Variants in TIAM1 observed in about 807,000 individuals in gnomAD.
TIAM1 encodes TIAM Rac1 associated GEF 1.
A neutral mutation model predicts 163.5 loss-of-function variants in TIAM1; 65 were observed. That is an observed-to-expected ratio of 0.40 (90% CI 0.33 to 0.49). TIAM1 has a LOEUF of 0.49. Ranked by LOEUF, TIAM1 falls within the 20% of genes least tolerant of loss-of-function variation. TIAM1 has a pLI of 0.77. For missense variants in TIAM1, 1,789 were observed against 2,044.7 expected (o/e 0.87, Z 2.41); for synonymous variants, 833 against 810.1 (o/e 1.03, Z -0.48).
intron 1 of TIAM1, among the ~76,000 whole-genome samples, chr21:31,516,777 T>C (rs8129008): frequency 0.062 from 9,337 of 151,684 alleles, 745 homozygotes; most frequent in African/African-American, 0.18. Context: ...GAATTCAGGC[T>C]GGGCTCGGTG....
chr21:31,213,381 C>A lies in TIAM1; in HGVS notation c.2217+17G>T. On this transcript the variant is annotated intron_variant, in intron 10 of 27. Coordinates refer to ENST00000541036, the MANE Select transcript of TIAM1 (RefSeq NM_001353694.2). ...CTTGTGGTACTTTTAGAAAAGAAAA[C>A]ACACGTTTATTTTTACCTTGCCATC... The A allele has an allele frequency of 6.2e-7, 1 of 1,604,208 alleles. No homozygotes were observed. The highest frequency in any genetic ancestry group is 8.5e-7 in the Non-Finnish European group (1 of 1,176,096).
chr21:31,348,895 T>C (rs1011740590), upstream of TIAM1, among the ~76,000 whole-genome samples: 1 of 152,172 alleles, frequency 6.6e-6, no homozygotes, highest in Non-Finnish European at 1.5e-5. Context: ...TAGAGACTCT[T>C]TACATAGTTT....
intron 1 of TIAM1, among the ~76,000 whole-genome samples, chr21:31,342,040 A>T (rs1000869018): frequency 8.5e-5 from 13 of 152,186 alleles, no homozygotes; most frequent in African/African-American, 2.9e-4. Context: ...TGAGGACAGC[A>T]TGTTCAATAT....
chr21:31,264,281 C>T (rs1020611870), intron 4 of TIAM1, among the ~76,000 whole-genome samples: 15 of 152,186 alleles, frequency 9.9e-5, no homozygotes, highest in South Asian at 2.1e-4. Flanking sequence ...TCCCCTCCCT[C>T]CCAGCTTTTG....
intron 2 of TIAM1, among the ~76,000 whole-genome samples, chr21:31,386,400 C>T (rs1388638283): frequency 6.6e-6 from 1 of 152,092 alleles, no homozygotes; most frequent in Non-Finnish European, 1.5e-5. Flanking sequence ...TGGGAAATCT[C>T]ACCTAGAAAA....
At chr21:31,198,256 C>T (rs2085988451) in intron 12 of TIAM1, among the ~76,000 whole-genome samples, 1 of 152,080 alleles carries the variant, frequency 6.6e-6, no homozygotes, top group South Asian at 2.1e-4. Context: ...TTGCTTGGGG[C>T]ATTTGAAAGG....
chr21:31,377,506 C>A lies in TIAM1; in HGVS notation c.-368-38084G>T, dbSNP rs922328783. 2.0e-5 allele frequency among the ~76,000 whole-genome samples: 3 copies of A among 152,166 alleles called. No homozygotes were observed. In the East Asian group the frequency reaches 5.8e-4, roughly 29 times the overall value. On this transcript the variant is annotated intron_variant, in intron 2 of 28. Coordinates refer to the TIAM1 transcript ENST00000286827. ...AATTCAGTGGGATCAGGACACTATG[C>A]TCCCCTTAGCCCAAGAGTGGGCTCA... is the stretch of plus-strand genomic sequence containing the variant.
intron 1 of TIAM1, among the ~76,000 whole-genome samples, chr21:31,482,451 C>G (rs1297688249): frequency 1.3e-5 from 2 of 152,134 alleles, no homozygotes; most frequent in Non-Finnish European, 2.9e-5. Flanking sequence ...GCCCATCACA[C>G]CCATCTTAAC....
intron 2 of TIAM1, among the ~76,000 whole-genome samples, chr21:31,329,105 A>T (rs1438650665): frequency 6.6e-6 from 1 of 152,216 alleles, no homozygotes; most frequent in Admixed American, 6.5e-5. Context: ...GAGATTAAGC[A>T]TCTATGGATT....
chr21:31,125,429 C>T (rs992569087), intron 26 of TIAM1, among the ~76,000 whole-genome samples: 1 of 152,114 alleles, frequency 6.6e-6, no homozygotes, highest in Admixed American at 6.5e-5. Context: ...GCTCAAACCC[C>T]ACGAGGTTAT....
intron 2 of TIAM1, among the ~76,000 whole-genome samples, chr21:31,423,808 C>T (rs999370151): frequency 1.0e-4 from 13 of 129,108 alleles, no homozygotes; most frequent in Middle Eastern, 6.3e-3. Flanking sequence ...TATGAAACGT[C>T]CGGAATAGGC....
At chr21:31,150,604 G>GTAAA (rs1445951622) in intron 19 of TIAM1, among the ~76,000 whole-genome samples, 1 of 152,076 alleles carries the variant, frequency 6.6e-6, no homozygotes, top group Admixed American at 6.6e-5. Flanking sequence ...AAGTCTAAAT[G>GTAAA]TAAAACTATA....
intron 2 of TIAM1, among the ~76,000 whole-genome samples, chr21:31,331,602 A>G (rs2075681014): frequency 6.6e-6 from 1 of 152,202 alleles, no homozygotes; most frequent in Non-Finnish European, 1.5e-5. Flanking sequence ...TCCAACCAAA[A>G]GGCATTTGAC....
At chr21:31,174,494 G>A (rs1371090383) in intron 15 of TIAM1, among the ~76,000 whole-genome samples, 5 of 152,138 alleles carry the variant, frequency 3.3e-5, no homozygotes, top group African/African-American at 7.2e-5. Flanking sequence ...CAACTCCAGC[G>A]CTGGCCCTAA....
Position 31,458,943 on chromosome 21 carries a change from T to C in TIAM1, c.-369+5040A>G, listed in dbSNP as rs116439461. On this transcript the variant is annotated intron_variant, in intron 2 of 28. Transcript: ENST00000286827. ...CAGGGGCACGCTGCGTGTATTCTAGTCCCAGAAGAAAGGCCTCTGAAGTGC... is the reference window on the plus strand; with the variant it reads ...CAGGGGCACGCTGCGTGTATTCTAGCCCCAGAAGAAAGGCCTCTGAAGTGC... Among the ~76,000 whole-genome samples, 235 of 152,200 alleles carry C rather than the reference T, an allele frequency of 1.5e-3. 2 individuals are homozygous for C. Among genetic ancestry groups the C allele is most frequent in the African/African-American group, 5.5e-3 (228 of 41,518 alleles).
chr21:31,161,387 C>G (rs531674222), intron 16 of TIAM1, among the ~76,000 whole-genome samples: 3 of 152,258 alleles, frequency 2.0e-5, no homozygotes, highest in Admixed American at 6.5e-5. Flanking sequence ...CCCACAGTCA[C>G]AGGAGAGAGG....
chr21:31,401,170 G>A (rs957667288), intron 2 of TIAM1, among the ~76,000 whole-genome samples: 18 of 152,184 alleles, frequency 1.2e-4, no homozygotes. Flanking sequence ...AAGTGCATAT[G>A]AAAAGATGAA....
intron 2 of TIAM1, among the ~76,000 whole-genome samples, chr21:31,309,505 A>G (rs932064220): frequency 2.0e-5 from 3 of 152,216 alleles, no homozygotes; most frequent in East Asian, 1.9e-4. Context: ...AACTCTTGCA[A>G]AATTATTTGA....
intron 4 of TIAM1, among the ~76,000 whole-genome samples, chr21:31,260,752 G>C (rs539595450): frequency 6.7e-6 from 1 of 148,900 alleles, no homozygotes; most frequent in South Asian, 2.1e-4. Context: ...AAAAAAAAAG[G>C]GTGTTTTAAA....
Sources: allele counts gnomAD v4.1 joint callset (sites outside exome capture counted in the v4.1 genomes callset), GRCh38; gene constraint gnomAD v4.1.1; transcripts MANE v1.5; gene names NCBI Gene and HGNC (gene_info 2026-07-23, HGNC 2026-07-21).